Variants in PTPRK observed in about 807,000 individuals in gnomAD.
The protein encoded by PTPRK is receptor-type tyrosine-protein phosphatase kappa.
PTPRK carries 75 observed loss-of-function variants against 178.0 expected under a neutral mutation model. That is an observed-to-expected ratio of 0.42 (90% CI 0.35 to 0.51). The LOEUF is 0.51. Ranked by LOEUF, PTPRK falls within the 20% of genes least tolerant of loss-of-function variation. PTPRK has a pLI of 0.02. For synonymous variants in PTPRK, 637 were observed against 620.6 expected (o/e 1.03, Z -0.39); for missense variants, 1,441 against 1,797.8 (o/e 0.80, Z 3.59).
intron 2 of PTPRK, among the ~76,000 whole-genome samples, chr6:128,348,056 T>C (rs1832650527): frequency 6.6e-6 from 1 of 152,046 alleles, no homozygotes; most frequent in Non-Finnish European, 1.5e-5. Flanking sequence ...AGATCATCTA[T>C]TGTAGCTTTG....
intron 7 of PTPRK, among the ~76,000 whole-genome samples, chr6:128,180,654 A>T (rs531709133): frequency 2.6e-4 from 39 of 152,264 alleles, no homozygotes; most frequent in Non-Finnish European, 5.3e-4. Context: ...AAAAGGATAA[A>T]GTACTTTTAC....
At chr6:128,376,314 T>C (rs752518850) in intron 2 of PTPRK, among the ~76,000 whole-genome samples, 2 of 152,176 alleles carry the variant, frequency 1.3e-5, no homozygotes, top group African/African-American at 2.4e-5. Flanking sequence ...CTCTTGACTT[T>C]CATGTACCTG....
intron 7 of PTPRK, among the ~76,000 whole-genome samples, chr6:128,092,515 G>T (rs1261056982): frequency 6.6e-6 from 1 of 152,120 alleles, no homozygotes; most frequent in Non-Finnish European, 1.5e-5. Context: ...TCTCAGGGTT[G>T]TGTGTATAGA....
chr6:128,309,013 G>A (rs537220982), intron 3 of PTPRK, among the ~76,000 whole-genome samples: 68 of 152,102 alleles, frequency 4.5e-4, no homozygotes, highest in Middle Eastern at 3.4e-3. Context: ...ATAATCTTGG[G>A]CACTAAAAAA....
At chr6:128,183,277 C>T (rs950126838) in intron 7 of PTPRK, among the ~76,000 whole-genome samples, 1 of 152,152 alleles carries the variant, frequency 6.6e-6, no homozygotes, top group South Asian at 2.1e-4. Flanking sequence ...CAATTTGTCA[C>T]ATGACCTCGA....
rs554700282 is a variant in PTPRK, at chr6:128,275,629, T to C, written c.496-33027A>G. ...TGTTAAAGTTCTTAATGTTCGTATTTGGGAATATACATTAGACTACTCAAC... is the reference window on the plus strand; with the variant it reads ...TGTTAAAGTTCTTAATGTTCGTATTCGGGAATATACATTAGACTACTCAAC... On this transcript the variant is annotated intron_variant, in intron 3 of 29. Transcript: ENST00000368226. 3.9e-5 allele frequency among the ~76,000 whole-genome samples: 6 copies of C among 152,104 alleles called. No homozygotes were observed. In the South Asian group the frequency reaches 1.2e-3, roughly 32 times the overall value.
chr6:128,340,220 A>G (rs1831482061), intron 2 of PTPRK, among the ~76,000 whole-genome samples: 1 of 152,198 alleles, frequency 6.6e-6, no homozygotes, highest in South Asian at 2.1e-4. Context: ...CATTTCTTGG[A>G]TCTCTATCAA....
At chr6:127,988,283 A>G (rs1011140287) in intron 21 of PTPRK, among the ~76,000 whole-genome samples, 1 of 147,518 alleles carries the variant, frequency 6.8e-6, no homozygotes, top group Non-Finnish European at 1.5e-5. Flanking sequence ...TGATTCTGTT[A>G]TCATCATTAT....
intron 21 of PTPRK, among the ~76,000 whole-genome samples, chr6:127,986,787 T>G (rs1020132815): frequency 6.6e-6 from 1 of 152,186 alleles, no homozygotes; most frequent in African/African-American, 2.4e-5. Flanking sequence ...TTACATGAAA[T>G]AAACAAAACT....
At chr6:128,227,203 T>G (rs1245476153) in intron 5 of PTPRK, among the ~76,000 whole-genome samples, 2 of 152,174 alleles carry the variant, frequency 1.3e-5, no homozygotes, top group Non-Finnish European at 2.9e-5. Flanking sequence ...GATTGGCTGG[T>G]TGCTTCAAAC....
At chr6:128,153,923 T>C (rs751025492) in intron 7 of PTPRK, among the ~76,000 whole-genome samples, 7 of 151,846 alleles carry the variant, frequency 4.6e-5, no homozygotes, top group Non-Finnish European at 8.8e-5. Flanking sequence ...TTTATCAAAA[T>C]GTGCTTCACT....
chr6:128,110,035 G>A (rs1790384936), intron 7 of PTPRK, among the ~76,000 whole-genome samples: 2 of 152,006 alleles, frequency 1.3e-5, no homozygotes, highest in African/African-American at 4.8e-5. Context: ...TCTCCTGAGT[G>A]TCTAATACTA....
At chr6:128,425,636 T>G (rs1433750694) in intron 1 of PTPRK, among the ~76,000 whole-genome samples, 1 of 152,178 alleles carries the variant, frequency 6.6e-6, no homozygotes, top group Non-Finnish European at 1.5e-5. Flanking sequence ...ACCTCAGGCT[T>G]AGTCTGCTAA....
At chr6:128,292,916 C>G (rs1370417791) in intron 3 of PTPRK, among the ~76,000 whole-genome samples, 2 of 151,600 alleles carry the variant, frequency 1.3e-5, no homozygotes, top group Non-Finnish European at 2.9e-5. Flanking sequence ...AACAGACCAT[C>G]AATAACCTTT....
chr6:127,984,403 C>T (rs955235802), intron 22 of PTPRK, among the ~76,000 whole-genome samples: 3 of 152,080 alleles, frequency 2.0e-5, no homozygotes, highest in Non-Finnish European at 2.9e-5. Context: ...GAATGTTTCT[C>T]CAATTTTATA....
intron 1 of PTPRK, among the ~76,000 whole-genome samples, chr6:128,516,540 C>T (rs966097758): frequency 2.0e-5 from 3 of 152,246 alleles, no homozygotes; most frequent in Admixed American, 6.5e-5. Flanking sequence ...CAAGCTGGCT[C>T]CAAAGTATCT....
intron 2 of PTPRK, among the ~76,000 whole-genome samples, chr6:128,345,653 T>A (rs1052398319): frequency 1.3e-5 from 2 of 152,188 alleles, no homozygotes; most frequent in Non-Finnish European, 2.9e-5. Flanking sequence ...TCAATTTATT[T>A]CTCCTCCAAT....
In PTPRK at chr6:128,263,062, C is replaced by T. The variant is rs140904138; in HGVS notation, c.496-20460G>A. Among the ~76,000 whole-genome samples the T allele has an allele frequency of 3.3e-3, 505 of 152,024 alleles. 2 individuals carry two copies. Among genetic ancestry groups the T allele is most frequent in the African/African-American group, 0.012 (480 of 41,448 alleles). Reference sequence around the variant, plus strand: ...TGATAGTGATGAGCTTCCTTGCCTCCACAAAGGAAGGGAAGCGAGTGCTCA... The same window carrying T: ...TGATAGTGATGAGCTTCCTTGCCTCTACAAAGGAAGGGAAGCGAGTGCTCA... On this transcript the variant is annotated intron_variant, in intron 3 of 29. Coordinates refer to ENST00000368226, the MANE Select transcript of PTPRK (RefSeq NM_002844.4).
rs1469884186 is a variant in PTPRK at position 128,302,609 on chromosome 6, C to CTTCCTTT, written c.495+19429_495+19430insAAAGGAA. Among the ~76,000 whole-genome samples the CTTCCTTT allele has an allele frequency of 5.5e-3, 841 of 152,150 alleles. 4 individuals carry two copies. The highest frequency in any genetic ancestry group is 0.024 in the South Asian group (117 of 4,822). On this transcript the variant is annotated intron_variant, in intron 3 of 29. Coordinates refer to ENST00000368226, the MANE Select transcript of PTPRK (RefSeq NM_002844.4). ...AGTCTTACCTGTTCCTTTCTTGAAA[C>CTTCCTTT]ATTCTCTTCCTTTAAATTTCCTGTT...
Sources: allele counts gnomAD v4.1 joint callset (sites outside exome capture counted in the v4.1 genomes callset), GRCh38; gene constraint gnomAD v4.1.1; transcripts MANE v1.5; gene names NCBI Gene and HGNC (gene_info 2026-07-23, HGNC 2026-07-21).